PLCL2: variants seen among roughly 807,000 people sequenced by gnomAD.
PLCL2 encodes phospholipase C like 2, also known as inactive phospholipase C-like protein 2.
Under a neutral mutation model 79.6 loss-of-function variants are expected in PLCL2, and 4 were observed. The observed-to-expected ratio is 0.05, with a 90% CI of 0.02 to 0.11. The LOEUF (loss-of-function observed/expected upper bound fraction) is 0.11, where lower values mean the gene tolerates loss of function less well. PLCL2 is among the 10% of genes least tolerant of loss of function. PLCL2 has a pLI of 1.00. For missense variants in PLCL2, 895 were observed against 1,291.0 expected, an observed-to-expected ratio of 0.69 and a Z score of 4.70; for synonymous variants, 484 against 457.7, an observed-to-expected ratio of 1.06 and a Z score of -0.73.
chr3:17,073,445 G>T (rs991950327), intron 5 of PLCL2, among the ~76,000 whole-genome samples: 3 of 152,150 alleles, frequency 2.0e-5, no homozygotes, highest in Non-Finnish European at 4.4e-5. Context: ...CTGGTGGAGG[G>T]TCTCACCTCC....
intron 1 of PLCL2, among the ~76,000 whole-genome samples, chr3:16,981,069 G>A (rs2063990476): frequency 6.6e-6 from 1 of 152,234 alleles, no homozygotes; most frequent in South Asian, 2.1e-4. Context: ...AGGTTGCAGT[G>A]AGCCGAGATG....
chr3:16,957,134 T>C (rs1426316466), intron 1 of PLCL2, among the ~76,000 whole-genome samples: 1 of 152,210 alleles, frequency 6.6e-6, no homozygotes, highest in Admixed American at 6.5e-5. Flanking sequence ...GTGTCAATTT[T>C]GGATCTTTCC....
At chr3:17,057,054 A>C (rs1319183472) in intron 4 of PLCL2, among the ~76,000 whole-genome samples, 3 of 152,184 alleles carry the variant, frequency 2.0e-5, no homozygotes, top group Non-Finnish European at 1.5e-5. Flanking sequence ...TTAGGTTGGA[A>C]ATACAGGCTG....
chr3:16,980,325 C>A (rs1210804261), intron 1 of PLCL2, among the ~76,000 whole-genome samples: 3 of 150,692 alleles, frequency 2.0e-5, no homozygotes, highest in African/African-American at 7.3e-5. Context: ...CGGAGACGCT[C>A]CTCACTTCCC....
chr3:16,945,499 G>T (rs542647990), intron 1 of PLCL2, among the ~76,000 whole-genome samples: 1 of 152,224 alleles, frequency 6.6e-6, no homozygotes, highest in South Asian at 2.1e-4. Flanking sequence ...TGGAATGAAT[G>T]GATGTGTTTT....
chr3:16,947,133 T>A (rs561064423), intron 1 of PLCL2, among the ~76,000 whole-genome samples: 2 of 151,602 alleles, frequency 1.3e-5, no homozygotes, highest in East Asian at 1.9e-4. Context: ...TTTTATTTTT[T>A]TTTTTTTAGA....
In PLCL2 at chr3:17,012,635, T is replaced by G. The variant is rs190315035; in HGVS notation, c.2814+475T>G. On this transcript the variant is annotated intron_variant, in intron 2 of 5. Transcript: ENST00000615277. ...TGAGCCATAAATATATGTGTATGCA[T>G]AGTGAGCCTCCTTTTGATTTGAGAG... Among the ~76,000 whole-genome samples, 118 of 152,366 alleles carry G rather than the reference T, an allele frequency of 7.7e-4. 1 individual carries two copies. The highest frequency in any genetic ancestry group is 3.6e-3 in the Admixed American group (55 of 15,312).
chr3:17,079,696 A>G (rs536919493), intron 5 of PLCL2, among the ~76,000 whole-genome samples: 15 of 152,258 alleles, frequency 9.9e-5, no homozygotes, highest in African/African-American at 2.9e-4. Context: ...GAAAAGTAAA[A>G]TTGTTTCTAA....
At chr3:17,075,420 G>T (rs2065099599) in intron 5 of PLCL2, among the ~76,000 whole-genome samples, 1 of 151,826 alleles carries the variant, frequency 6.6e-6, no homozygotes, top group Admixed American at 6.6e-5. Context: ...TAATAATAGT[G>T]AAAAAGTTTG....
chr3:16,998,099 A>G (rs1352358356), intron 1 of PLCL2, among the ~76,000 whole-genome samples: 1 of 152,162 alleles, frequency 6.6e-6, no homozygotes, highest in Non-Finnish European at 1.5e-5. Flanking sequence ...ATGGATCTCT[A>G]AGAAACTTTC....
chr3:17,038,439 C>T lies in PLCL2; in HGVS notation c.3019-4435C>T, dbSNP rs1340948705. Among the ~76,000 whole-genome samples, 6 of 152,228 alleles carry T rather than the reference C, an allele frequency of 3.9e-5. No homozygotes were observed. The East Asian group carries it at 1.2e-3, about 29-fold the overall frequency. ...ATGCAAATAATGCTTATATAATTAA[C>T]CATTCTACTTGGCCTTGCATTCTAG... On this transcript the variant is annotated intron_variant, in intron 3 of 5. Transcript: ENST00000615277.
At chr3:16,928,203 A>G (rs1199181541) in intron 1 of PLCL2, among the ~76,000 whole-genome samples, 2 of 152,164 alleles carry the variant, frequency 1.3e-5, no homozygotes, top group African/African-American at 2.4e-5. Flanking sequence ...CTACAACACA[A>G]TGTGGTTAGT....
At chr3:16,930,669 G>A (rs1575535173) in intron 1 of PLCL2, among the ~76,000 whole-genome samples, 1 of 151,972 alleles carries the variant, frequency 6.6e-6, no homozygotes, top group Non-Finnish European at 1.5e-5. Flanking sequence ...ACTCCCTAAG[G>A]GATGACTCCT....
In PLCL2 at chr3:16,892,743, T is replaced by A. The variant is rs563030910; in HGVS notation, c.327+7377T>A. Among the ~76,000 whole-genome samples, 50 of 152,304 alleles carry A rather than the reference T, an allele frequency of 3.3e-4. 2 individuals carry two copies. Among genetic ancestry groups the A allele is most frequent in the Non-Finnish European group, 1.5e-5 (1 of 68,024 alleles). The stretch of plus-strand genomic sequence containing the variant: ...GAAGAAGAGATACTAGGAGATGCTT[T>A]GTATGCATCGTCTCATGCAAGTCTC... On this transcript the variant is annotated intron_variant, in intron 1 of 5. Coordinates refer to ENST00000615277, the MANE Select transcript of PLCL2 (RefSeq NM_001144382.2).
chr3:16,902,647 T>G (rs1288336237), intron 1 of PLCL2, among the ~76,000 whole-genome samples: 1 of 151,982 alleles, frequency 6.6e-6, no homozygotes, highest in Non-Finnish European at 1.5e-5. Flanking sequence ...GCCAACATGG[T>G]GAAACCCTGT....
chr3:16,911,259 A>G (rs1254630419), intron 1 of PLCL2, among the ~76,000 whole-genome samples: 1 of 151,896 alleles, frequency 6.6e-6, no homozygotes, highest in Non-Finnish European at 1.5e-5. Flanking sequence ...TCTCAAAAAA[A>G]AAAAAAAAAA....
rs116467155 is a variant in PLCL2 at position 16,950,413 on chromosome 3, C to G, written c.328-59261C>G. The stretch of plus-strand genomic sequence containing the variant: ...TTTTTTAAATTGGTGTATTTAAGAG[C>G]TAATAATTTCTGGTTTTGGTCTTGT... On this transcript the variant is annotated intron_variant, in intron 1 of 5. Transcript: ENST00000615277. Among the ~76,000 whole-genome samples the G allele has an allele frequency of 1.0e-2, 1,521 of 152,108 alleles. 30 individuals are homozygous for G. The highest frequency in any genetic ancestry group is 0.035 in the African/African-American group (1,450 of 41,510).
intron 1 of PLCL2, among the ~76,000 whole-genome samples, chr3:16,987,549 G>A (rs1053175545): frequency 2.0e-5 from 3 of 152,028 alleles, no homozygotes; most frequent in African/African-American, 7.3e-5. Context: ...ATTAATACAG[G>A]CTCTACTCAA....
At chr3:16,915,629 GT>G (rs1277536018) in intron 1 of PLCL2, among the ~76,000 whole-genome samples, 1 of 151,908 alleles carries the variant, frequency 6.6e-6, no homozygotes, top group Non-Finnish European at 1.5e-5. Context: ...TTCAGATAGT[GT>G]TTCATCTCTG....
Sources: gnomAD v4.1 joint callset for allele counts (sites outside exome capture counted in the v4.1 genomes callset) on GRCh38, gnomAD v4.1.1 for gene constraint, MANE v1.5 for transcripts, NCBI Gene and HGNC (gene_info 2026-07-23, HGNC 2026-07-21) for gene names.